Variants in PCM1 observed in about 807,000 individuals in gnomAD.
PCM1 encodes the protein pericentriolar material 1 protein.
Under a neutral mutation model 241.9 loss-of-function variants are expected in PCM1, and 157 were observed. That is an observed-to-expected ratio of 0.65 (90% CI 0.57 to 0.74). The LOEUF is 0.74. Among genes scored for constraint, PCM1 ranks in the 30% least tolerant of loss-of-function variants. The pLI is 0.00. For missense variants in PCM1, 3,478 were observed against 2,360.1 expected (o/e 1.47, Z -9.81); for synonymous variants, 1,085 against 784.9 (o/e 1.38, Z -6.39).
intron 6 of PCM1, among the ~76,000 whole-genome samples, chr8:17,944,501 C>G (rs1400831958): frequency 6.6e-6 from 1 of 152,056 alleles, no homozygotes; most frequent in Non-Finnish European, 1.5e-5. Flanking sequence ...AATTGGACTA[C>G]TACATATTTA....
rs961144057 is a variant in PCM1 at position 17,964,359 on chromosome 8, A to G, written c.2655-209A>G. ...ATGATGATTATTTAAATGTATTTGA[A>G]GAATTGTTTTGAGGAAGGCAAACTA... On this transcript the variant is annotated intron_variant, in intron 17 of 38. Transcript: ENST00000325083. Among the ~76,000 whole-genome samples, 4 of 152,338 alleles carry G rather than the reference A, an allele frequency of 2.6e-5. No individual in the cohort carries two copies. In the East Asian group the frequency reaches 7.7e-4, roughly 29 times the overall value.
intron 34 of PCM1, 197 bp from the exon 35 acceptor site, chr8:18,013,767 A>G: frequency 1.9e-6 from 1 of 520,062 alleles, no homozygotes; most frequent in African/African-American, 2.0e-5. Context: ...TGTGTTTTTA[A>G]GGCAACAAGG....
At chr8:17,954,278 G>C (rs1214145293) in intron 9 of PCM1, among the ~76,000 whole-genome samples, 8 of 151,958 alleles carry the variant, frequency 5.3e-5, no homozygotes, top group Admixed American at 2.0e-4. Context: ...AAGTACAAAA[G>C]TAGCCAGGTG....
chr8:17,963,115 G>A lies in PCM1; in HGVS notation c.2478G>A (p.Met826Ile). The A allele has an allele frequency of 2.5e-6, 4 of 1,609,384 alleles. No individual in the cohort carries two copies. The South Asian group carries it at 4.4e-5, about 18-fold the overall frequency. ...SIVDNELWSE[M>I]RRHEMLREEL... is the part of the protein sequence containing the mutation. ...AAAAAAAATAGTTGTGGTCAGAAAT[G>A]AGAAGACATGAAATGTTGAGGGAGG... Residue 826 changes from methionine to isoleucine, a missense_variant, in exon 17 of 39, where the codon ATG becomes ATA. Coordinates refer to ENST00000325083, the MANE Select transcript of PCM1 (RefSeq NM_006197.4).
intron 8 of PCM1, among the ~76,000 whole-genome samples, chr8:17,952,038 C>T (rs921706161): frequency 1.3e-5 from 2 of 152,026 alleles, no homozygotes; most frequent in Non-Finnish European, 2.9e-5. Flanking sequence ...GCCTGGCCAA[C>T]ATGGTGAAAC....
intron 22 of PCM1, among the ~76,000 whole-genome samples, chr8:17,971,192 C>G (rs1192748107): frequency 2.0e-5 from 3 of 152,104 alleles, no homozygotes; most frequent in Non-Finnish European, 4.4e-5. Context: ...AAAAGCCATT[C>G]TTAGCTCTCA....
At chr8:17,965,111 C>G (rs1477189571) in intron 18 of PCM1, among the ~76,000 whole-genome samples, 1 of 152,136 alleles carries the variant, frequency 6.6e-6, no homozygotes, top group African/African-American at 2.4e-5. Flanking sequence ...TTCCTCATTT[C>G]TTATAAAGGA....
intron 1 of PCM1, among the ~76,000 whole-genome samples, chr8:17,923,456 CCTG>C (rs2055388563): frequency 6.6e-6 from 1 of 152,322 alleles, no homozygotes; most frequent in South Asian, 2.1e-4. Flanking sequence ...CCTCGCCCCT[CCTG>C]CTGGCCCTGT....
chr8:18,009,838 A>G lies in PCM1; in HGVS notation c.5160+94A>G, dbSNP rs189661493. 14 of 785,234 alleles carry G rather than the reference A, an allele frequency of 1.8e-5. No homozygotes were observed. In the East Asian group the frequency reaches 2.4e-4, roughly 14 times the overall value. 48.6% of individuals were successfully genotyped at this position (785,234 alleles called of 1,614,324 possible). A position where few individuals can be genotyped will look rare whatever the true frequency, so the allele number is the denominator to read the frequency against. ...ACTGAAATCACATTTTACCTCAGCA[A>G]AAGTAGTTGTTTTTAGTAATACCAG... On this transcript the variant is annotated intron_variant, in intron 31 of 38. Coordinates refer to ENST00000325083, the MANE Select transcript of PCM1 (RefSeq NM_006197.4).
intron 2 of PCM1, among the ~76,000 whole-genome samples, chr8:17,932,366 A>G (rs182142491): frequency 3.3e-5 from 5 of 152,304 alleles, no homozygotes; most frequent in African/African-American, 9.6e-5. Context: ...AATGCTTTCC[A>G]GAAATGTTAT....
In PCM1 at chr8:17,957,601, G is replaced by T. The variant is rs368148186; in HGVS notation, c.1866G>T (p.Glu622Asp). The T allele has an allele frequency of 8.8e-5, 139 of 1,570,840 alleles. No individual in the cohort carries two copies. In the African/African-American group the frequency reaches 1.8e-3, roughly 20 times the overall value. The change falls in exon 13 of 39, where the codon GAG becomes GAT. Residue 622 changes from glutamate (E) to aspartate (D), a missense_variant. Transcript: ENST00000325083. ...EIHVAQGEDD[E>D]EEEEEAEEEG... ...ATGTTGCACAAGGTGAAGATGATGA[G>T]GAGGAGGAGGAAGAAGCAGAAGAGG...
chr8:17,996,107 T>C (rs546371775), intron 29 of PCM1, among the ~76,000 whole-genome samples: 1 of 152,356 alleles, frequency 6.6e-6, no homozygotes, highest in Non-Finnish European at 1.5e-5. Flanking sequence ...ATCCTTGTTG[T>C]GTTCCAGATC....
At chr8:17,954,893 G>C (rs903951887) in intron 9 of PCM1, among the ~76,000 whole-genome samples, 1 of 152,010 alleles carries the variant, frequency 6.6e-6, no homozygotes, top group African/African-American at 2.4e-5. Flanking sequence ...ATATTTCATG[G>C]TTTGAGGTAC....
In PCM1 at chr8:17,937,767, A is replaced by G. The variant is rs566781745; in HGVS notation, c.342+388A>G. 3.9e-5 allele frequency among the ~76,000 whole-genome samples: 6 copies of G among 152,272 alleles called. No homozygotes were observed. In the South Asian group the frequency reaches 1.2e-3, roughly 32 times the overall value. ...GTTACCTCAAGTTTAGAATGAAACT[A>G]TTTTCTGTTTATAATCACCAAAATA... On this transcript the variant is annotated intron_variant, in intron 4 of 38. Transcript: ENST00000325083.
chr8:17,926,441 A>C (rs1051245376), intron 2 of PCM1: 1 of 152,236 alleles, frequency 6.6e-6, no homozygotes, highest in Admixed American at 6.5e-5. Flanking sequence ...CAGATAAAAC[A>C]GTGTGCAAAA....
chr8:17,966,394 T>A lies in PCM1; in HGVS notation c.3142T>A (p.Ser1048Thr), dbSNP rs1311334299. ...PYSVMPSNVA[S>T]PQVHFIMHQL... The stretch of plus-strand genomic sequence containing the variant: ...CAGTGTTATGCCCAGCAATGTTGCA[T>A]CTCCTCAAGTACACTTCATAATGCA... The change falls in exon 20 of 39, where the codon TCT (serine) becomes ACT (threonine). Residue 1048 changes from serine to threonine, a missense_variant. Transcript: ENST00000325083. 7.4e-6 allele frequency: 12 copies of A among 1,613,568 alleles called. No homozygotes were observed. The African/African-American group carries it at 1.6e-4, about 22-fold the overall frequency.
intron 2 of PCM1, among the ~76,000 whole-genome samples, chr8:17,933,012 T>C (rs2059477036): frequency 6.6e-6 from 1 of 152,188 alleles, no homozygotes. Context: ...ATTTTTCCCC[T>C]CTTCTATGAT....
At position 18,029,867 on chromosome 8, in the gene PCM1, G is replaced by A. The variant is rs996256672; in HGVS notation, c.*2205G>A. The A allele has an allele frequency of 6.2e-5, 12 of 194,784 alleles. No homozygotes were observed. Among genetic ancestry groups the A allele is most frequent in the Non-Finnish European group, 1.1e-4 (10 of 93,670 alleles). 12.1% of individuals were successfully genotyped at this position (194,784 alleles called of 1,614,324 possible). On this transcript the variant is annotated 3_prime_UTR_variant, in exon 39 of 39. Transcript: ENST00000325083. ...CCTAAAATAATGAGCTGGCCAGACT[G>A]TGGAGGTACTCTTTGTATTTTGTAA...
At chr8:18,008,510 A>G (rs76618398) in intron 30 of PCM1, among the ~76,000 whole-genome samples, 301 of 152,146 alleles carry the variant, frequency 2.0e-3, no homozygotes, top group African/African-American at 6.4e-3. Context: ...CCCCCAAGCT[A>G]TGGTTGGGGG....
Sources: gnomAD v4.1 joint callset for allele counts (sites outside exome capture counted in the v4.1 genomes callset) on GRCh38, gnomAD v4.1.1 for gene constraint, MANE v1.5 for transcripts, NCBI Gene and HGNC (gene_info 2026-07-23, HGNC 2026-07-21) for gene names.